The following SLC4A10 variants were observed in gnomAD, a reference collection of about 807,000 sequenced individuals.
SLC4A10 encodes sodium-driven chloride bicarbonate exchanger.
SLC4A10 carries 42 observed loss-of-function variants against 137.7 expected under a neutral mutation model. The ratio of observed to expected loss-of-function variants is 0.30; its 90% CI spans 0.24 to 0.39. The LOEUF is 0.39. Among genes scored for constraint, SLC4A10 ranks in the 10% least tolerant of loss-of-function variants. The pLI is 1.00. For synonymous variants in SLC4A10, 474 were observed against 464.1 expected, an observed-to-expected ratio of 1.02 and a Z score of -0.27; for missense variants, 925 against 1,355.0, an observed-to-expected ratio of 0.68 and a Z score of 4.98.
chr2:161,814,386 TAAAAC>T (rs896873348), intron 3 of SLC4A10, among the ~76,000 whole-genome samples: 1 of 152,046 alleles, frequency 6.6e-6, no homozygotes, highest in African/African-American at 2.4e-5. Context: ...TCGAAGAACT[TAAAAC>T]AGAACAACTA....
chr2:161,810,352 T>C (rs2056420289), intron 3 of SLC4A10, among the ~76,000 whole-genome samples: 3 of 152,064 alleles, frequency 2.0e-5, no homozygotes, highest in African/African-American at 7.2e-5. Flanking sequence ...TTGAATGCCT[T>C]TTATTTCTTT....
intron 5 of SLC4A10, among the ~76,000 whole-genome samples, chr2:161,860,955 T>C (rs79394549): frequency 0.016 from 2,462 of 152,334 alleles, 71 homozygotes; most frequent in African/African-American, 0.056. Flanking sequence ...GTGAATATTA[T>C]ATGAAATTCA....
intron 1 of SLC4A10, among the ~76,000 whole-genome samples, chr2:161,634,985 TA>T (rs1339964239): frequency 7.2e-5 from 11 of 152,034 alleles, no homozygotes; most frequent in Non-Finnish European, 1.5e-4. Flanking sequence ...AATTAAAAGA[TA>T]AAAATAAAAT....
intron 1 of SLC4A10, among the ~76,000 whole-genome samples, chr2:161,658,782 G>A (rs1261653100): frequency 1.3e-5 from 2 of 151,750 alleles, no homozygotes; most frequent in East Asian, 1.9e-4. Context: ...GTAGAGATGG[G>A]GTTTCACCTT....
intron 10 of SLC4A10, among the ~76,000 whole-genome samples, chr2:161,885,651 A>T (rs2062205406): frequency 6.6e-6 from 1 of 152,196 alleles, no homozygotes; most frequent in African/African-American, 2.4e-5. Context: ...TCATATGATT[A>T]TGCTTATCAA....
intron 11 of SLC4A10, 134 bp from the exon 12 acceptor site, chr2:161,900,777 A>T: frequency 1.7e-6 from 1 of 585,556 alleles, no homozygotes; most frequent in Non-Finnish European, 3.0e-6. Flanking sequence ...AGGTCAAGCA[A>T]CAAGTAAGTA....
chr2:161,978,828 C>A (rs1699805865), intron 26 of SLC4A10, among the ~76,000 whole-genome samples: 1 of 152,154 alleles, frequency 6.6e-6, no homozygotes, highest in African/African-American at 2.4e-5. Context: ...CTTAATAGGA[C>A]TTTAAAACTT....
chr2:161,771,012 C>A lies in SLC4A10; in HGVS notation c.88C>A (p.Arg30Ser). ...EEAVVDRGGT[R>S]SILKTHFEKE... ...AGCAGTTGTGGATAGAGGTGGAACTCGTTCTATTCTCAAAACACACTTTGA... is the reference window on the plus strand; with the variant it reads ...AGCAGTTGTGGATAGAGGTGGAACTAGTTCTATTCTCAAAACACACTTTGA... The change falls in exon 2 of 27, where the codon CGT becomes AGT. Residue 30 changes from arginine (R) to serine (S), a missense_variant. Arg to Ser is a moderately radical substitution (Grantham distance 110). Coordinates refer to ENST00000446997, the MANE Select transcript of SLC4A10 (RefSeq NM_001178015.2). The A allele has an allele frequency of 6.2e-7, 1 of 1,605,946 alleles. No homozygotes were observed. Among genetic ancestry groups the A allele is most frequent in the South Asian group, 1.1e-5 (1 of 89,672 alleles).
intron 3 of SLC4A10, among the ~76,000 whole-genome samples, chr2:161,821,081 C>T (rs982204094): frequency 2.6e-5 from 4 of 152,166 alleles, no homozygotes; most frequent in African/African-American, 9.7e-5. Flanking sequence ...TGGATATTCT[C>T]TTCTAGGAAG....
intron 9 of SLC4A10, among the ~76,000 whole-genome samples, chr2:161,881,508 G>T (rs930517486): frequency 2.6e-5 from 4 of 151,966 alleles, no homozygotes; most frequent in Admixed American, 2.6e-4. Context: ...ATGAGGAGTA[G>T]AATTATAGTA....
intron 21 of SLC4A10, among the ~76,000 whole-genome samples, chr2:161,962,331 A>G (rs1490371928): frequency 3.3e-5 from 5 of 152,176 alleles, no homozygotes; most frequent in Non-Finnish European, 4.4e-5. Context: ...AAACAATAAC[A>G]ATTGAAGCAC....
chr2:161,710,804 T>TA (rs1366694752), intron 1 of SLC4A10: 1 of 440,718 alleles, frequency 2.3e-6, no homozygotes, highest in East Asian at 7.0e-5. Flanking sequence ...GTAAACATAG[T>TA]AAAGGCTGAG....
intron 23 of SLC4A10, 74 bp downstream of exon 23, chr2:161,965,247 T>C (rs1430584226): frequency 6.8e-6 from 10 of 1,461,534 alleles, no homozygotes; most frequent in East Asian, 2.6e-5. Context: ...AACTAAATTA[T>C]TGTTTTTATC....
At chr2:161,728,764 G>A (rs2046507227) in intron 1 of SLC4A10, among the ~76,000 whole-genome samples, 1 of 152,006 alleles carries the variant, frequency 6.6e-6, no homozygotes. Flanking sequence ...AAGAAAATGT[G>A]CAAACTAATA....
chr2:161,979,544 GGTAGTTAATCTCTTTTATCCTC>G (rs1699911132), intron 26 of SLC4A10, among the ~76,000 whole-genome samples: 1 of 152,198 alleles, frequency 6.6e-6, no homozygotes, highest in Non-Finnish European at 1.5e-5. Flanking sequence ...TCTTTTGGTT[GGTAGTTAATCTCTTTTATCCTC>G]ATTACAGTAG....
chr2:161,901,586 G>T (rs1683126563), intron 12 of SLC4A10, among the ~76,000 whole-genome samples: 1 of 152,040 alleles, frequency 6.6e-6, no homozygotes, highest in South Asian at 2.1e-4. Context: ...AGAAACCCTT[G>T]GGTGGGTCTC....
At chr2:161,918,913 C>T (rs1257278841) in intron 15 of SLC4A10, among the ~76,000 whole-genome samples, 2 of 152,308 alleles carry the variant, frequency 1.3e-5, no homozygotes, top group East Asian at 3.9e-4. Context: ...GCCCTGCGCT[C>T]CCTGGTGCAA....
intron 1 of SLC4A10, among the ~76,000 whole-genome samples, chr2:161,639,326 A>G (rs1389514793): frequency 6.6e-6 from 1 of 152,138 alleles, no homozygotes; most frequent in Non-Finnish European, 1.5e-5. Flanking sequence ...ACAACAAAAT[A>G]AGAAAACTAC....
chr2:161,960,881 G>T (rs1384557567), intron 21 of SLC4A10, among the ~76,000 whole-genome samples: 3 of 152,058 alleles, frequency 2.0e-5, no homozygotes, highest in Admixed American at 1.3e-4. Context: ...TAGGCTTCTG[G>T]CCTCCACAAG....
Sources: gnomAD v4.1 joint callset for allele counts (sites outside exome capture counted in the v4.1 genomes callset) on GRCh38, gnomAD v4.1.1 for gene constraint, MANE v1.5 for transcripts, NCBI Gene and HGNC (gene_info 2026-07-23, HGNC 2026-07-21) for gene names.